RAD51B: variants seen among roughly 807,000 people sequenced by gnomAD.
RAD51B encodes the protein DNA repair protein RAD51 homolog 2.
RAD51B carries 38 observed loss-of-function variants against 42.2 expected under a neutral mutation model. That is an observed-to-expected ratio of 0.90 (90% CI 0.70 to 1.18). RAD51B has a LOEUF of 1.18. RAD51B is among the 50% of genes most tolerant of loss of function. The probability of loss-of-function intolerance (pLI) is 0.00; values close to 1 mark genes in which losing one functional copy is unlikely to be tolerated. For synonymous variants in RAD51B, 154 were observed against 145.2 expected (o/e 1.06, Z -0.43); for missense variants, 373 against 400.7 (o/e 0.93, Z 0.59).
At chr14:68,574,175 C>T (rs956583216) in intron 10 of RAD51B, among the ~76,000 whole-genome samples, 2 of 152,168 alleles carry the variant, frequency 1.3e-5, no homozygotes, top group East Asian at 3.8e-4. Flanking sequence ...GTGGCACAAC[C>T]TTGGCTCGCT....
intron 7 of RAD51B, among the ~76,000 whole-genome samples, chr14:68,284,867 A>G (rs796989647): frequency 9.9e-5 from 15 of 152,254 alleles, no homozygotes; most frequent in African/African-American, 3.6e-4. Flanking sequence ...ACTCCGTAAC[A>G]AATATTGGGT....
chr14:68,473,622 A>T (rs1882287539), intron 10 of RAD51B, among the ~76,000 whole-genome samples: 1 of 152,192 alleles, frequency 6.6e-6, no homozygotes, highest in East Asian at 1.9e-4. Context: ...AAAAAATTTT[A>T]AATACAGAAC....
chr14:67,875,736 A>G (rs2042704874), intron 5 of RAD51B, among the ~76,000 whole-genome samples: 1 of 152,142 alleles, frequency 6.6e-6, no homozygotes, highest in Admixed American at 6.6e-5. Flanking sequence ...CCCCATTATT[A>G]TGCGCCATAC....
At chr14:68,680,734 A>G (rs759121360) in intron 11 of RAD51B, among the ~76,000 whole-genome samples, 2 of 152,192 alleles carry the variant, frequency 1.3e-5, no homozygotes, top group Non-Finnish European at 2.9e-5. Context: ...CAACAGCTTC[A>G]GTCCAGTGGA....
intron 7 of RAD51B, among the ~76,000 whole-genome samples, chr14:68,060,780 C>T (rs770436009): frequency 2.6e-5 from 4 of 152,124 alleles, no homozygotes; most frequent in African/African-American, 4.8e-5. Context: ...TTAGCATTTC[C>T]TATTGAAGGT....
intron 11 of RAD51B, among the ~76,000 whole-genome samples, chr14:68,677,476 C>G (rs1893335130): frequency 6.6e-6 from 1 of 152,188 alleles, no homozygotes; most frequent in Non-Finnish European, 1.5e-5. Flanking sequence ...GAAAACCCAT[C>G]TCCTGTAATG....
At chr14:68,677,090 G>T (rs1353910784) in intron 11 of RAD51B, among the ~76,000 whole-genome samples, 1 of 152,098 alleles carries the variant, frequency 6.6e-6, no homozygotes, top group East Asian at 1.9e-4. Flanking sequence ...AATTAAAGCT[G>T]GAAAATGATT....
chr14:68,525,299 AT>A (rs1886854224), intron 10 of RAD51B, among the ~76,000 whole-genome samples: 1 of 152,248 alleles, frequency 6.6e-6, no homozygotes, highest in African/African-American at 2.4e-5. Context: ...AGATGTCTTA[AT>A]TTTAGCCCAG....
In RAD51B at chr14:68,184,850, T is replaced by A. The variant is rs2140892048; in HGVS notation, c.757-107034T>A. ...TTGAGCATTTTGAAAGAGAGACAGATTAATAAGAAGGAAGAGGCTTCCTAG... is the reference window on the plus strand; with the variant it reads ...TTGAGCATTTTGAAAGAGAGACAGAATAATAAGAAGGAAGAGGCTTCCTAG... On this transcript the variant is annotated intron_variant, in intron 7 of 10. Transcript: ENST00000471583. Among the ~76,000 whole-genome samples the A allele has an allele frequency of 2.0e-5, 3 of 152,294 alleles. 1 individual carries two copies. In the Middle Eastern group the frequency reaches 0.01, roughly 518 times the overall value.
intron 7 of RAD51B, among the ~76,000 whole-genome samples, chr14:68,018,467 G>T (rs1032031079): frequency 5.9e-5 from 9 of 152,180 alleles, no homozygotes; most frequent in Non-Finnish European, 1.3e-4. Flanking sequence ...TTTTAAGGTT[G>T]TAATATCTGT....
At chr14:67,910,772 T>C (rs1326461399) in intron 7 of RAD51B, among the ~76,000 whole-genome samples, 2 of 151,998 alleles carry the variant, frequency 1.3e-5, no homozygotes, top group African/African-American at 4.8e-5. Flanking sequence ...ACGTTAGGGC[T>C]GAATAAAAGA....
At chr14:67,868,281 A>G (rs571139898) in intron 5 of RAD51B, among the ~76,000 whole-genome samples, 49 of 152,342 alleles carry the variant, frequency 3.2e-4, no homozygotes, top group Non-Finnish European at 5.7e-4. Context: ...GGGAAGCGCA[A>G]GGGGTCAGGG....
intron 10 of RAD51B, among the ~76,000 whole-genome samples, chr14:68,570,588 G>T (rs1315804007): frequency 1.3e-5 from 2 of 152,184 alleles, no homozygotes; most frequent in Non-Finnish European, 2.9e-5. Context: ...TAAATCTGGG[G>T]TCTGCAGCTG....
chr14:68,006,127 G>T (rs1224307996), intron 7 of RAD51B, among the ~76,000 whole-genome samples: 1 of 152,134 alleles, frequency 6.6e-6, no homozygotes, highest in East Asian at 1.9e-4. Flanking sequence ...CAACATTGGG[G>T]ATTATACTTG....
At chr14:67,935,809 G>A (rs2044920453) in intron 7 of RAD51B, among the ~76,000 whole-genome samples, 1 of 152,126 alleles carries the variant, frequency 6.6e-6, no homozygotes, top group African/African-American at 2.4e-5. Flanking sequence ...GCCTGCCGAG[G>A]ACTTCATCTT....
intron 7 of RAD51B, among the ~76,000 whole-genome samples, chr14:68,046,877 T>C (rs994690624): frequency 1.3e-5 from 2 of 152,136 alleles, no homozygotes; most frequent in African/African-American, 4.8e-5. Context: ...TTCAGTGTAG[T>C]GTTTATAAGA....
chr14:68,267,175 C>T (rs550873268), intron 7 of RAD51B, among the ~76,000 whole-genome samples: 8 of 152,248 alleles, frequency 5.3e-5, no homozygotes, highest in East Asian at 3.9e-4. Context: ...TCCGCAAAGA[C>T]GATACTTTTT....
chr14:68,178,849 A>G (rs555904437), intron 7 of RAD51B, among the ~76,000 whole-genome samples: 43 of 152,276 alleles, frequency 2.8e-4, no homozygotes, highest in African/African-American at 9.6e-4. Context: ...CAGATGTTGT[A>G]AAAAACCTGA....
At chr14:68,076,650 C>T (rs746050588) in intron 7 of RAD51B, among the ~76,000 whole-genome samples, 32 of 152,190 alleles carry the variant, frequency 2.1e-4, no homozygotes, top group Non-Finnish European at 4.0e-4. Context: ...CAAAGAAATT[C>T]CTGATTGGGA....
Sources: allele counts gnomAD v4.1 joint callset (sites outside exome capture counted in the v4.1 genomes callset), GRCh38; gene constraint gnomAD v4.1.1; transcripts MANE v1.5; gene names NCBI Gene and HGNC (gene_info 2026-07-23, HGNC 2026-07-21).